ASB2: variants seen among roughly 807,000 people sequenced by gnomAD.
ASB2 encodes ankyrin repeat and SOCS box protein 2.
Under a neutral mutation model 62.4 loss-of-function variants are expected in ASB2, and 58 were observed. The ratio of observed to expected loss-of-function variants is 0.93; its 90% CI spans 0.75 to 1.16. The LOEUF is 1.16. Ranked by LOEUF, ASB2 falls within the 50% of genes most tolerant of loss-of-function variation. The probability of loss-of-function intolerance (pLI) is 0.00; values close to 1 mark genes in which losing one functional copy is unlikely to be tolerated. For synonymous variants in ASB2, 386 were observed against 385.3 expected (o/e 1.00, Z -0.02); for missense variants, 928 against 887.9 (o/e 1.05, Z -0.57).
intron 9 of ASB2, among the ~76,000 whole-genome samples, chr14:93,936,529 A>C: frequency 6.6e-6 from 1 of 152,208 alleles, no homozygotes; most frequent in East Asian, 1.9e-4. Flanking sequence ...GTCTAGAGTT[A>C]AGCCCTGAGT....
At chr14:93,957,086 G>T in intron 2 of ASB2, 1 of 1,438,714 alleles carries the variant, frequency 7.0e-7, no homozygotes, top group Non-Finnish European at 9.1e-7. Flanking sequence ...GAAGCCCTGG[G>T]AGATTTAAAT....
chr14:93,961,613 G>A (rs1307000679), intron 2 of ASB2, among the ~76,000 whole-genome samples: 5 of 152,252 alleles, frequency 3.3e-5, no homozygotes, highest in Admixed American at 6.5e-5. Context: ...CTTAATCTCA[G>A]ACCTGAAGAT....
chr14:93,951,044 C>A lies in ASB2; in HGVS notation c.835G>T (p.Ala279Ser). The A allele has an allele frequency of 6.2e-7, 1 of 1,614,110 alleles. No homozygotes were observed. Among genetic ancestry groups the A allele is most frequent in the Non-Finnish European group, 8.5e-7 (1 of 1,180,024 alleles). Reference sequence around the variant, plus strand: ...AAGGCCTCCAACTGTCCACTCTGGGCGGCCACGAACAAGGGGGTGATGCCG... The same window carrying A: ...AAGGCCTCCAACTGTCCACTCTGGGAGGCCACGAACAAGGGGGTGATGCCG... ...AYGITPLFVA[A>S]QSGQLEALRF... The change falls in exon 6 of 10, where the codon GCC (alanine) becomes TCC (serine). Residue 279 changes from alanine (A) to serine (S), a missense_variant. Transcript: ENST00000555019.
At chr14:93,974,842 G>T (rs1254211243) in intron 1 of ASB2, among the ~76,000 whole-genome samples, 3 of 152,244 alleles carry the variant, frequency 2.0e-5, no homozygotes, top group Non-Finnish European at 4.4e-5. Flanking sequence ...GCTCAACAAA[G>T]GCTTGCTGGT....
At chr14:93,955,219 A>G (rs1172383390) in intron 3 of ASB2, 1 of 453,458 alleles carries the variant, frequency 2.2e-6, no homozygotes, top group Non-Finnish European at 4.5e-6. Flanking sequence ...GTGAGGCTGG[A>G]GGCAGGCCTC....
At chr14:93,969,444 T>C (rs1217550598) in intron 1 of ASB2, among the ~76,000 whole-genome samples, 1 of 152,248 alleles carries the variant, frequency 6.6e-6, no homozygotes, top group East Asian at 1.9e-4. Flanking sequence ...TCAGAGCACC[T>C]ATCTCTTGGG....
At chr14:93,946,304 G>A (rs1366553469) in intron 7 of ASB2, among the ~76,000 whole-genome samples, 5 of 152,234 alleles carry the variant, frequency 3.3e-5, no homozygotes, top group African/African-American at 1.2e-4. Flanking sequence ...CACATGGGAG[G>A]CAGATGAGTC....
chr14:93,939,617 C>G lies in ASB2; in HGVS notation c.1108G>C (p.Val370Leu). 1.3e-6 allele frequency: 2 copies of G among 1,551,640 alleles called. No homozygotes were observed. The highest frequency in any genetic ancestry group is 1.7e-6 in the Non-Finnish European group (2 of 1,156,066). The change falls in exon 8 of 10, where the codon GTC (valine) becomes CTC (leucine). Residue 370 changes from valine to leucine, a missense_variant. Val to Leu is a conservative substitution (Grantham distance 32). Transcript: ENST00000555019. Reference protein sequence around the residue: ...TSRTRIRRSGVSPLHLAAERN... With the variant: ...TSRTRIRRSGLSPLHLAAERN... ...TCGGCCGCCAGGTGCAGCGGACTGA[C>G]GCCGCTACGGCGTATGCGCGTGCGG...
At chr14:93,937,033 C>G (rs1888295895) in intron 9 of ASB2, among the ~76,000 whole-genome samples, 1 of 152,234 alleles carries the variant, frequency 6.6e-6, no homozygotes, top group Non-Finnish European at 1.5e-5. Context: ...TTCACTGTGC[C>G]TGGCACAGTT....
intron 1 of ASB2, among the ~76,000 whole-genome samples, chr14:93,971,348 C>T (rs1889751654): frequency 6.6e-6 from 1 of 152,192 alleles, no homozygotes; most frequent in Non-Finnish European, 1.5e-5. Context: ...TTTCAAATTC[C>T]CCACTCTCCA....
intron 2 of ASB2, among the ~76,000 whole-genome samples, chr14:93,962,732 G>A (rs990480502): frequency 6.6e-6 from 1 of 152,158 alleles, no homozygotes; most frequent in Admixed American, 6.5e-5. Context: ...TCCTATGCTG[G>A]GGAGAAGGCT....
At chr14:93,947,943 G>A (rs1307576409) in intron 6 of ASB2, among the ~76,000 whole-genome samples, 1 of 138,618 alleles carries the variant, frequency 7.2e-6, no homozygotes, top group African/African-American at 2.7e-5. Context: ...GCAGTGAGCC[G>A]AGACTGCACC....
At position 93,957,329 on chromosome 14, in the gene ASB2, GAGA is replaced by G. The variant is rs1383720730; in HGVS notation, c.207-462_207-460del. The G allele has an allele frequency of 1.2e-5, 13 of 1,045,952 alleles. No homozygotes were observed. In the African/African-American group the frequency reaches 2.2e-4, roughly 18 times the overall value. 64.8% of individuals were successfully genotyped at this position (1,045,952 alleles called of 1,614,324 possible). A position where few individuals can be genotyped will look rare whatever the true frequency, so the allele number is the denominator to read the frequency against. Reference sequence around the variant, plus strand: ...AAGCAGAGGATAGGGGAGCAAAGCTGAGAAGCCAAGCTGTACCTGTGCCCCCCA... The same window carrying G: ...AAGCAGAGGATAGGGGAGCAAAGCTGAGCCAAGCTGTACCTGTGCCCCCCA... On this transcript the variant is annotated intron_variant, in intron 2 of 9. Transcript: ENST00000555019.
chr14:93,964,066 C>T (rs1488662183), intron 2 of ASB2, among the ~76,000 whole-genome samples: 1 of 152,196 alleles, frequency 6.6e-6, no homozygotes, highest in African/African-American at 2.4e-5. Context: ...CCCTGAGCTT[C>T]AGTCTCCTCT....
At chr14:93,961,222 C>A (rs2141308461) in intron 2 of ASB2, among the ~76,000 whole-genome samples, 1 of 152,344 alleles carries the variant, frequency 6.6e-6, no homozygotes, top group East Asian at 1.9e-4. Context: ...AAGGGGAGCA[C>A]AGCATGTTTT....
chr14:93,970,310 G>A (rs994261168), intron 1 of ASB2, among the ~76,000 whole-genome samples: 1 of 152,226 alleles, frequency 6.6e-6, no homozygotes. Flanking sequence ...ACTTGGGTCG[G>A]ACATGTGAGG....
At chr14:93,957,208 A>T (rs1224692345) in intron 2 of ASB2, 2 of 1,286,286 alleles carry the variant, frequency 1.6e-6, no homozygotes, top group African/African-American at 1.5e-5. Context: ...ACCCAGGAGG[A>T]TGTGAGCCGT....
chr14:93,952,396 T>C (rs943329583), intron 5 of ASB2, among the ~76,000 whole-genome samples: 5 of 152,212 alleles, frequency 3.3e-5, no homozygotes, highest in Non-Finnish European at 7.3e-5. Context: ...GACACTTCCA[T>C]GGTGGGTCTG....
Position 93,939,679 on chromosome 14 carries a change from G to C in ASB2, c.1053-7C>G. ...CAGCAGCATCTGCACGATCCTGCCGGGTCGAGGGGCGGGCGCGGGTGAGGG... is the reference window on the plus strand; with the variant it reads ...CAGCAGCATCTGCACGATCCTGCCGCGTCGAGGGGCGGGCGCGGGTGAGGG... On this transcript the variant is annotated splice_polypyrimidine_tract_variant and splice_region_variant and intron_variant, in intron 7 of 9. Transcript: ENST00000555019. The C allele has an allele frequency of 7.0e-7, 1 of 1,437,842 alleles. No homozygotes were observed. Among genetic ancestry groups the C allele is most frequent in the Non-Finnish European group, 9.1e-7 (1 of 1,102,956 alleles). The allele number at this position is 1,437,842 out of a possible 1,614,324, so 89.1% of individuals were successfully genotyped here.
Sources: gnomAD v4.1 joint callset for allele counts (sites outside exome capture counted in the v4.1 genomes callset) on GRCh38, gnomAD v4.1.1 for gene constraint, MANE v1.5 for transcripts, NCBI Gene and HGNC (gene_info 2026-07-23, HGNC 2026-07-21) for gene names.